ACVR1C: variants seen among roughly 807,000 people sequenced by gnomAD.
ACVR1C encodes the protein activin A receptor type 1C.
In ACVR1C, 23 loss-of-function variants were observed where a neutral mutation model predicts 57.9. The ratio of observed to expected loss-of-function variants is 0.40; its 90% confidence interval spans 0.29 to 0.56. The LOEUF is 0.56. ACVR1C is among the 20% of genes least tolerant of loss of function. The pLI is 0.50. For synonymous variants in ACVR1C, 214 were observed against 215.3 expected, an observed-to-expected ratio of 0.99 and a Z score of 0.05; for missense variants, 480 against 607.9, an observed-to-expected ratio of 0.79 and a Z score of 2.21.
At chr2:157,574,056 C>A (rs905782709) in intron 2 of ACVR1C, among the ~76,000 whole-genome samples, 1 of 152,178 alleles carries the variant, frequency 6.6e-6, no homozygotes, top group Admixed American at 6.5e-5. Flanking sequence ...TATTCAGCTT[C>A]GGCCAACTGA....
At chr2:157,539,743 T>C (rs925755183) in intron 7 of ACVR1C, among the ~76,000 whole-genome samples, 1 of 152,226 alleles carries the variant, frequency 6.6e-6, no homozygotes, top group Non-Finnish European at 1.5e-5. Flanking sequence ...ATGCTATGAA[T>C]TTGTTCAGAG....
chr2:157,563,748 G>C (rs1688295939), intron 2 of ACVR1C, among the ~76,000 whole-genome samples: 2 of 152,152 alleles, frequency 1.3e-5, no homozygotes, highest in South Asian at 4.1e-4. Context: ...AAAACAGCAT[G>C]GTACTGGTAC....
intron 2 of ACVR1C, among the ~76,000 whole-genome samples, chr2:157,577,528 AT>A (rs372708061): frequency 6.6e-6 from 1 of 152,072 alleles, no homozygotes; most frequent in African/African-American, 2.4e-5. Context: ...AACTCTGGTA[AT>A]TTTTTTGCAT....
intron 1 of ACVR1C, among the ~76,000 whole-genome samples, chr2:157,596,974 A>G (rs1461651610): frequency 6.6e-6 from 1 of 152,120 alleles, no homozygotes; most frequent in African/African-American, 2.4e-5. Flanking sequence ...ACAGAGGTGG[A>G]GCACTACTGA....
At chr2:157,537,559 A>C (rs1167379266) in intron 8 of ACVR1C, among the ~76,000 whole-genome samples, 1 of 152,208 alleles carries the variant, frequency 6.6e-6, no homozygotes, top group Middle Eastern at 3.4e-3. Flanking sequence ...TGATTAAATT[A>C]GAAAAGGGTT....
At chr2:157,540,329 C>T (rs1430027891) in intron 7 of ACVR1C, among the ~76,000 whole-genome samples, 1 of 152,102 alleles carries the variant, frequency 6.6e-6, no homozygotes, top group Non-Finnish European at 1.5e-5. Flanking sequence ...TACAGGGCTT[C>T]CCCCTCCCTA....
Position 157,628,597 on chromosome 2 carries a change from G to C in ACVR1C, c.48C>G (p.Leu16=). 1.2e-6 allele frequency: 2 copies of C among 1,606,966 alleles called. No individual in the cohort carries two copies. Among genetic ancestry groups the C allele is most frequent in the Non-Finnish European group, 1.7e-6 (2 of 1,177,386 alleles). The change falls in exon 1 of 9, where the codon CTC becomes CTG. Residue 16 remains leucine, a synonymous_variant. Coordinates refer to ENST00000243349, the MANE Select transcript of ACVR1C (RefSeq NM_145259.3). ...CSALRQALLL[L]AAAAELSPGL... ...CTGGCGAGAGCTCGGCGGCCGCTGCGAGCAGCAGGAGAGCCTGGCGGAGCG... is the reference window on the plus strand; with the variant it reads ...CTGGCGAGAGCTCGGCGGCCGCTGCCAGCAGCAGGAGAGCCTGGCGGAGCG...
At chr2:157,605,464 C>G (rs1682371332) in intron 1 of ACVR1C, among the ~76,000 whole-genome samples, 1 of 151,572 alleles carries the variant, frequency 6.6e-6, no homozygotes, top group Non-Finnish European at 1.5e-5. Flanking sequence ...AATCTATAGA[C>G]CAATTTGGAG....
chr2:157,584,144 A>G (rs1233806504), intron 2 of ACVR1C, among the ~76,000 whole-genome samples: 4 of 151,946 alleles, frequency 2.6e-5, no homozygotes, highest in African/African-American at 9.7e-5. Flanking sequence ...GAATATATAA[A>G]GAACTCTTCC....
At chr2:157,574,105 T>G (rs1688589107) in intron 2 of ACVR1C, among the ~76,000 whole-genome samples, 1 of 152,254 alleles carries the variant, frequency 6.6e-6, no homozygotes, top group Non-Finnish European at 1.5e-5. Flanking sequence ...TTCTGAATTT[T>G]CAAGACCAGA....
chr2:157,597,394 C>T, intron 1 of ACVR1C: 2 of 985,520 alleles, frequency 2.0e-6, no homozygotes, highest in Non-Finnish European at 2.4e-6. Context: ...AGCCCTCCCC[C>T]AGAGCAGCGG....
In ACVR1C at chr2:157,527,306, TG is replaced by T. The variant is rs1687250852; in HGVS notation, c.*6611del. On this transcript the variant is annotated 3_prime_UTR_variant, in exon 9 of 9. Coordinates refer to ENST00000243349, the MANE Select transcript of ACVR1C (RefSeq NM_145259.3). ...TTCCTTATATACATTCCTTTGGGCC[TG>T]TCGGCTGAAAGACAATCTTTTTACA... is the stretch of plus-strand genomic sequence containing the variant. 1 of 152,230 alleles carries T rather than the reference TG, an allele frequency of 6.6e-6. No homozygotes were observed. The highest frequency in any genetic ancestry group is 1.5e-5 in the Non-Finnish European group (1 of 68,032). 9.4% of individuals were successfully genotyped at this position (152,230 alleles called of 1,614,324 possible).
In ACVR1C at chr2:157,562,519, TA is replaced by T. The variant is rs869185016; in HGVS notation, c.305-6188del. On this transcript the variant is annotated intron_variant, in intron 2 of 8. Coordinates refer to ENST00000243349, the MANE Select transcript of ACVR1C (RefSeq NM_145259.3). ...TAAAATAAAATAAAATAAAATAAAA[TA>T]AAAAAGCCCAGGACCAGACGTACAG... Among the ~76,000 whole-genome samples the T allele has an allele frequency of 1.4e-4, 16 of 111,838 alleles. 1 individual carries two copies. The South Asian group carries it at 4.6e-3, about 32-fold the overall frequency. The allele number at this position is 111,838 out of a possible 152,430, so 73.4% of individuals were successfully genotyped here.
chr2:157,540,952 A>G (rs1327968213), intron 7 of ACVR1C, 138 bp downstream of exon 7: 1 of 1,090,472 alleles, frequency 9.2e-7, no homozygotes, highest in Non-Finnish European at 1.3e-6. Flanking sequence ...GCCACTGGAA[A>G]TATATCACCA....
intron 1 of ACVR1C, among the ~76,000 whole-genome samples, chr2:157,587,955 T>G (rs972805108): frequency 1.3e-5 from 2 of 152,048 alleles, no homozygotes; most frequent in Non-Finnish European, 2.9e-5. Context: ...TTATATTTAT[T>G]TTCTGTGACA....
At chr2:157,576,055 G>A (rs1308243453) in intron 2 of ACVR1C, among the ~76,000 whole-genome samples, 2 of 151,914 alleles carry the variant, frequency 1.3e-5, no homozygotes, top group Non-Finnish European at 2.9e-5. Context: ...ACAATATATA[G>A]GTAGAAGATA....
chr2:157,580,029 C>CAT (rs1688749262), intron 2 of ACVR1C, among the ~76,000 whole-genome samples: 1 of 151,838 alleles, frequency 6.6e-6, no homozygotes, highest in Non-Finnish European at 1.5e-5. Flanking sequence ...GTCTCTCTCA[C>CAT]GCACCCCCTC....
intron 2 of ACVR1C, among the ~76,000 whole-genome samples, chr2:157,565,324 C>A (rs1290044278): frequency 1.3e-5 from 2 of 152,104 alleles, no homozygotes; most frequent in Non-Finnish European, 2.9e-5. Context: ...TGAATCTGCA[C>A]TTACTGGTTG....
chr2:157,541,436 A>G (rs1687623400), intron 6 of ACVR1C, among the ~76,000 whole-genome samples: 1 of 152,152 alleles, frequency 6.6e-6, no homozygotes, highest in African/African-American at 2.4e-5. Context: ...CATTGGCTCC[A>G]AAAAAATATA....
Sources: allele counts gnomAD v4.1 joint callset (sites outside exome capture counted in the v4.1 genomes callset), GRCh38; gene constraint gnomAD v4.1.1; transcripts MANE v1.5; gene names NCBI Gene and HGNC (gene_info 2026-07-23, HGNC 2026-07-21).